SHROOM2: variants seen among roughly 807,000 people sequenced by gnomAD.
The protein encoded by SHROOM2 is protein Shroom2.
SHROOM2 carries 33 observed loss-of-function variants against 75.9 expected under a neutral mutation model. That is an observed-to-expected ratio of 0.43 (90% CI 0.33 to 0.58). The LOEUF is 0.58. SHROOM2 is among the 20% of genes least tolerant of loss of function. The pLI is 0.04. For missense variants in SHROOM2, 1,434 were observed against 1,461.2 expected, an observed-to-expected ratio of 0.98 and a Z score of 0.30; for synonymous variants, 655 against 663.6, an observed-to-expected ratio of 0.99 and a Z score of 0.20.
intron 1 of SHROOM2, among the ~76,000 whole-genome samples, chrX:9,869,395 C>T (rs1179914645): frequency 2.7e-5 from 3 of 112,405 alleles, no homozygotes; most frequent in Non-Finnish European, 5.6e-5. Context: ...GTTGTCCAAC[C>T]ATCACCACTG....
intron 1 of SHROOM2, among the ~76,000 whole-genome samples, chrX:9,798,069 A>G (rs1166654148): frequency 9.0e-6 from 1 of 111,501 alleles, no homozygotes; most frequent in Non-Finnish European, 1.9e-5. Flanking sequence ...TGAAAGCCAG[A>G]TGAAAGCCAA....
In SHROOM2 at chrX:9,947,170, A is replaced by G; in HGVS notation, c.*233A>G. ...TTTCCTTTACACATAACTACACCTG[A>G]CACCAGGCTCTGCTGGATGTGAGTT... On this transcript the variant is annotated 3_prime_UTR_variant, in exon 10 of 10. Transcript: ENST00000380913. The G allele has an allele frequency of 7.4e-6, 3 of 403,435 alleles. No homozygotes were observed. Among genetic ancestry groups the G allele is most frequent in the Non-Finnish European group, 1.3e-5 (3 of 235,298 alleles). 33.2% of individuals were successfully genotyped at this position (403,435 alleles called of 1,213,427 possible).
intron 1 of SHROOM2, among the ~76,000 whole-genome samples, chrX:9,858,402 C>A (rs1169562849): frequency 1.8e-5 from 2 of 112,636 alleles, no homozygotes; most frequent in African/African-American, 6.5e-5. Flanking sequence ...TCTTGGTTGC[C>A]TATCAGTTCT....
chrX:9,858,126 G>A (rs1026157932), intron 1 of SHROOM2, among the ~76,000 whole-genome samples: 1 of 111,895 alleles, frequency 8.9e-6, no homozygotes, highest in African/African-American at 3.3e-5. Context: ...CCTTGTGACG[G>A]GTGAGATCAT....
At position 9,895,465 on chromosome X, in the gene SHROOM2, C is replaced by T; in HGVS notation, c.1557C>T (p.His519=). The T allele has an allele frequency of 1.7e-6, 2 of 1,209,373 alleles. No homozygotes were observed. The highest frequency in any genetic ancestry group is 2.2e-6 in the Non-Finnish European group (2 of 894,647). The change falls in exon 4 of 10, where the codon CAC becomes CAT. Residue 519 remains histidine (H), a synonymous_variant. Transcript: ENST00000380913. ...PPTVGQSPRH[H]LPQPEGPPDA... ...CGGTGGGCCAGAGCCCACGCCATCACCTACCTCAGCCTGAGGGTCCTCCGG... is the reference window on the plus strand; with the variant it reads ...CGGTGGGCCAGAGCCCACGCCATCATCTACCTCAGCCTGAGGGTCCTCCGG...
chrX:9,847,842 AT>A (rs777837519), intron 1 of SHROOM2, among the ~76,000 whole-genome samples: 3 of 111,354 alleles, frequency 2.7e-5, no homozygotes, highest in African/African-American at 9.8e-5. Context: ...TTTTCTCGTG[AT>A]TTTTTCCCTC....
intron 1 of SHROOM2, among the ~76,000 whole-genome samples, chrX:9,872,038 C>T (rs1419646433): frequency 8.9e-6 from 1 of 112,054 alleles, no homozygotes; most frequent in African/African-American, 3.2e-5. Flanking sequence ...GGAACAAGCC[C>T]AGTAGTAAAT....
At chrX:9,807,126 G>A (rs1201466046) in intron 1 of SHROOM2, among the ~76,000 whole-genome samples, 1 of 111,879 alleles carries the variant, frequency 8.9e-6, no homozygotes, top group African/African-American at 3.2e-5. Flanking sequence ...CATTCTGTCT[G>A]GATTCAGGAG....
Position 9,884,704 on chromosome X carries a change from A to G in SHROOM2, c.318-6273A>G, listed in dbSNP as rs1601965553. ...AAAAAAAAAAAAAAAAAACCCAAAC[A>G]CTACCTAGCATATAAAATTACTCTA... On this transcript the variant is annotated intron_variant, in intron 2 of 9. Transcript: ENST00000380913. Among the ~76,000 whole-genome samples, 7 of 107,538 alleles carry G rather than the reference A, an allele frequency of 6.5e-5. No individual in the cohort carries two copies. In the South Asian group the frequency reaches 2.8e-3, roughly 43 times the overall value. 93.4% of individuals were successfully genotyped at this position (107,538 alleles called of 115,157 possible). A position where few individuals can be genotyped will look rare whatever the true frequency, so the allele number is the denominator to read the frequency against.
intron 1 of SHROOM2, among the ~76,000 whole-genome samples, chrX:9,871,653 A>AT (rs1247778702): frequency 4.5e-5 from 5 of 112,068 alleles, no homozygotes; most frequent in African/African-American, 1.6e-4. Context: ...TGTTTATGGT[A>AT]TTGACTAGCA....
rs2084802570 is a variant in SHROOM2 at position 9,944,758 on chromosome X, A to G, written c.4429A>G (p.Lys1477Glu). The G allele has an allele frequency of 3.3e-6, 4 of 1,212,345 alleles. No individual in the cohort carries two copies. In the East Asian group the frequency reaches 1.2e-4, roughly 36 times the overall value. ...GGGGGCCGAGGTGGAGGCCATCGTGAAAGGCGTCTGCAAGCCCAGCGAGTT... is the reference window on the plus strand; with the variant it reads ...GGGGGCCGAGGTGGAGGCCATCGTGGAAGGCGTCTGCAAGCCCAGCGAGTT... Reference protein sequence around the residue: ...VLGAEVEAIVKGVCKPSEFDK... With the variant: ...VLGAEVEAIVEGVCKPSEFDK... The change falls in exon 9 of 10, where the codon AAA becomes GAA. Residue 1477 changes from lysine to glutamate, a missense_variant. Lys to Glu is a moderately conservative substitution (Grantham distance 56). Around this residue, in one of 3 missense-constraint regions of SHROOM2, gnomAD observed 1,340 missense variants for 1,338.3 expected, o/e 1.00. Coordinates refer to ENST00000380913, the MANE Select transcript of SHROOM2 (RefSeq NM_001649.4).
Position 9,894,586 on chromosome X carries a change from A to G in SHROOM2, c.678A>G (p.Lys226=). 1 of 1,211,516 alleles carries G rather than the reference A, an allele frequency of 8.3e-7. No homozygotes were observed. The highest frequency in any genetic ancestry group is 1.1e-6 in the Non-Finnish European group (1 of 895,382). The change falls in exon 4 of 10, where the codon AAA becomes AAG. Residue 226 remains lysine, a synonymous_variant. Coordinates refer to ENST00000380913, the MANE Select transcript of SHROOM2 (RefSeq NM_001649.4). ...GCACTCCTGACCACACCTTGTCCAA[A>G]GCCGACACGTCCTCCGCAGAGAACA... is the stretch of plus-strand genomic sequence containing the variant. ...SSSTPDHTLS[K]ADTSSAENIL... is the part of the protein sequence containing the mutation.
At chrX:9,868,223 TTTTTATTTTTATTTTTA>T (rs1394544033) in intron 1 of SHROOM2, among the ~76,000 whole-genome samples, 1 of 106,109 alleles carries the variant, frequency 9.4e-6, no homozygotes, top group Non-Finnish European at 1.9e-5. Context: ...TTTATTTTTA[TTTTTATTTTTATTTTTA>T]TTTTATTTAT....
chrX:9,822,531 TCTGGTGCAGGGATGGAGAATC>T lies in SHROOM2; in HGVS notation c.165+35829_165+35849del, dbSNP rs746954486. ...GTACCACCACGGCACAGTATCCGCATCTGGTGCAGGGATGGAGAATCCTGGTGCCTGAACACACGTGTGCAT... is the reference window on the plus strand; with the variant it reads ...GTACCACCACGGCACAGTATCCGCATCTGGTGCCTGAACACACGTGTGCAT... On this transcript the variant is annotated intron_variant, in intron 1 of 9. Transcript: ENST00000380913. Among the ~76,000 whole-genome samples, 542 of 112,902 alleles carry T rather than the reference TCTGGTGCAGGGATGGAGAATC, an allele frequency of 4.8e-3. 2 individuals carry two copies. Among genetic ancestry groups the T allele is most frequent in the Non-Finnish European group, 7.7e-3 (408 of 53,304 alleles).
chrX:9,797,788 G>T (rs755791148), intron 1 of SHROOM2, among the ~76,000 whole-genome samples: 1 of 111,935 alleles, frequency 8.9e-6, no homozygotes, highest in East Asian at 2.8e-4. Flanking sequence ...AGTCCTAGGT[G>T]GGGCTGGCCG....
chrX:9,786,957 CG>C (rs1479402578), intron 1 of SHROOM2, among the ~76,000 whole-genome samples: 1 of 111,615 alleles, frequency 9.0e-6, no homozygotes, highest in Non-Finnish European at 1.9e-5. Context: ...CTCCCTCCTC[CG>C]GGCAGGGGCC....
intron 1 of SHROOM2, among the ~76,000 whole-genome samples, chrX:9,867,654 G>A (rs6640534): frequency 0.22 from 24,335 of 110,569 alleles, 2,483 homozygotes; most frequent in African/African-American, 0.39. Context: ...GAGAAGTTCA[G>A]TGGGGCAAAG....
chrX:9,889,248 C>T (rs894804662), intron 2 of SHROOM2, among the ~76,000 whole-genome samples: 2 of 112,313 alleles, frequency 1.8e-5, no homozygotes, highest in Non-Finnish European at 1.9e-5. Context: ...TATACTTTTC[C>T]TCGTTAAAAT....
intron 1 of SHROOM2, among the ~76,000 whole-genome samples, chrX:9,799,939 C>T (rs1334791857): frequency 2.7e-5 from 3 of 111,517 alleles, no homozygotes; most frequent in Non-Finnish European, 3.8e-5. Context: ...AAATGGGAAT[C>T]ATTCATCTTC....
Sources: allele counts gnomAD v4.1 joint callset (sites outside exome capture counted in the v4.1 genomes callset), GRCh38; gene constraint gnomAD v4.1.1; regional missense constraint gnomAD v4.1.1; transcripts MANE v1.5; gene names NCBI Gene and HGNC (gene_info 2026-07-23, HGNC 2026-07-21).